Variants in RBMS1 observed in about 807,000 individuals in gnomAD.
RBMS1 encodes the protein RNA binding motif single stranded interacting protein 1.
RBMS1 carries 17 observed loss-of-function variants against 62.3 expected under a neutral mutation model. The observed-to-expected ratio is 0.27, with a 90% CI of 0.19 to 0.41. The LOEUF (loss-of-function observed/expected upper bound fraction) is 0.41. Ranked by LOEUF, RBMS1 falls within the 10% of genes least tolerant of loss-of-function variation. The probability of loss-of-function intolerance (pLI) is 1.00; values close to 1 mark genes in which losing one functional copy is unlikely to be tolerated. For missense variants in RBMS1, 334 were observed against 504.5 expected, an observed-to-expected ratio of 0.66 and a Z score of 3.24; for synonymous variants, 172 against 170.0, an observed-to-expected ratio of 1.01 and a Z score of -0.09.
chr2:160,324,880 G>GTA (rs747823378), intron 2 of RBMS1, among the ~76,000 whole-genome samples: 1,419 of 75,476 alleles, frequency 0.019, 14 homozygotes, highest in South Asian at 0.024. Context: ...GTGTGTGTGT[G>GTA]TGTATATATA....
intron 1 of RBMS1, 71 bp downstream of exon 1, chr2:160,493,218 C>T: frequency 6.8e-7 from 1 of 1,470,206 alleles, no homozygotes; most frequent in South Asian, 1.2e-5. Flanking sequence ...CGCCCCCCTC[C>T]CCAGGCCTGA....
chr2:160,443,571 C>A (rs1051620468), intron 1 of RBMS1, among the ~76,000 whole-genome samples: 6 of 151,958 alleles, frequency 3.9e-5, no homozygotes, highest in African/African-American at 1.2e-4. Flanking sequence ...CACCCCCACT[C>A]TCTCTCTGGT....
At chr2:160,487,350 T>G (rs976482169) in intron 1 of RBMS1, among the ~76,000 whole-genome samples, 6 of 152,264 alleles carry the variant, frequency 3.9e-5, no homozygotes, top group African/African-American at 1.4e-4. Context: ...TGTGCTGCTT[T>G]CGTGGGTGCA....
At chr2:160,324,903 T>TACAC (rs1293841336) in intron 2 of RBMS1, among the ~76,000 whole-genome samples, 55 of 118,980 alleles carry the variant, frequency 4.6e-4, no homozygotes, top group African/African-American at 1.8e-3. Flanking sequence ...TATATATATA[T>TACAC]ATATACACAC....
intron 2 of RBMS1, among the ~76,000 whole-genome samples, chr2:160,328,401 A>G (rs1691069617): frequency 6.9e-6 from 1 of 145,642 alleles, no homozygotes; most frequent in East Asian, 1.9e-4. Flanking sequence ...GTAACTTTTC[A>G]GCACAGTTTT....
intron 1 of RBMS1, among the ~76,000 whole-genome samples, chr2:160,479,930 C>T (rs1685298594): frequency 6.6e-6 from 1 of 152,032 alleles, no homozygotes; most frequent in Non-Finnish European, 1.5e-5. Context: ...TTTTGGCTAG[C>T]TGAATATGGC....
intron 1 of RBMS1, among the ~76,000 whole-genome samples, chr2:160,469,989 T>C (rs932568567): frequency 6.6e-6 from 1 of 152,224 alleles, no homozygotes; most frequent in Non-Finnish European, 1.5e-5. Context: ...TAGGATTTCA[T>C]TGAGTATGGT....
chr2:160,463,123 A>T (rs1334161977), intron 1 of RBMS1, among the ~76,000 whole-genome samples: 4 of 152,196 alleles, frequency 2.6e-5, no homozygotes, highest in African/African-American at 9.6e-5. Context: ...AAAATTAGCC[A>T]GATGCTTTTT....
intron 1 of RBMS1, among the ~76,000 whole-genome samples, chr2:160,491,912 A>T (rs1403475297): frequency 6.6e-6 from 1 of 152,202 alleles, no homozygotes; most frequent in African/African-American, 2.4e-5. Flanking sequence ...CTGGTGACCC[A>T]AAGTAAAGTG....
intron 1 of RBMS1, among the ~76,000 whole-genome samples, chr2:160,414,178 A>T (rs1226571002): frequency 6.6e-6 from 1 of 152,230 alleles, no homozygotes; most frequent in Non-Finnish European, 1.5e-5. Flanking sequence ...ATAAATGCAA[A>T]CTTTCCAATA....
In RBMS1 at chr2:160,331,317, G is replaced by C. The variant is rs191094785; in HGVS notation, c.252-13090C>G. On this transcript the variant is annotated intron_variant, in intron 2 of 13. Coordinates refer to ENST00000348849, the MANE Select transcript of RBMS1 (RefSeq NM_016836.4). ...TGCCCTTTAAGATTTTCCTTCACCA[G>C]GGAAATTTAGCATCTTTCTGCAAGA... Among the ~76,000 whole-genome samples, 312 of 152,234 alleles carry C rather than the reference G, an allele frequency of 2.0e-3. 2 individuals carry two copies. The highest frequency in any genetic ancestry group is 3.0e-3 in the Admixed American group (46 of 15,286).
intron 1 of RBMS1, among the ~76,000 whole-genome samples, chr2:160,437,247 G>C (rs2105295019): frequency 6.6e-6 from 1 of 152,264 alleles, no homozygotes; most frequent in African/African-American, 2.4e-5. Flanking sequence ...CTTCATTTTT[G>C]GTCTAGTTTG....
chr2:160,452,876 A>T (rs1264342972), intron 1 of RBMS1, among the ~76,000 whole-genome samples: 1 of 152,240 alleles, frequency 6.6e-6, no homozygotes, highest in Non-Finnish European at 1.5e-5. Context: ...ATGAGATCAC[A>T]TTACAGGGAC....
chr2:160,407,969 C>T (rs1348729823), intron 1 of RBMS1: 6 of 958,074 alleles, frequency 6.3e-6, no homozygotes, highest in Non-Finnish European at 7.4e-6. Flanking sequence ...CAGGCCCACC[C>T]GCGCCTCCCC....
At chr2:160,377,263 T>C (rs112278964) in intron 1 of RBMS1, among the ~76,000 whole-genome samples, 136 of 152,348 alleles carry the variant, frequency 8.9e-4, no homozygotes, top group African/African-American at 3.1e-3. Context: ...TTTCCTAGTA[T>C]ATTTCGTTAA....
chr2:160,349,023 T>G (rs894231008), intron 2 of RBMS1, among the ~76,000 whole-genome samples: 21 of 152,266 alleles, frequency 1.4e-4, no homozygotes, highest in Admixed American at 9.2e-4. Context: ...TTATTTCTCC[T>G]TTTTTGGATC....
intron 1 of RBMS1, among the ~76,000 whole-genome samples, chr2:160,412,193 A>G (rs1357696660): frequency 6.6e-6 from 1 of 152,248 alleles, no homozygotes; most frequent in Admixed American, 6.5e-5. Context: ...AAAATAGGAG[A>G]TGACACACAT....
At chr2:160,304,888 G>A (rs1464163953) in intron 4 of RBMS1, among the ~76,000 whole-genome samples, 1 of 152,134 alleles carries the variant, frequency 6.6e-6, no homozygotes, top group Admixed American at 6.5e-5. Flanking sequence ...ATGGAGTCTT[G>A]CTCTGTGCCA....
chr2:160,450,564 G>GAAAAAAAAAAAAAAAAAAAAAAAAAAAAA (rs1181640365), intron 1 of RBMS1, among the ~76,000 whole-genome samples: 2 of 56,580 alleles, frequency 3.5e-5, no homozygotes, highest in Non-Finnish European at 6.3e-5. Flanking sequence ...AATAAAAAAT[G>GAAAAAAAAAAAAAAAAAAAAAAAAAAAAA]AAAAAAAAAA....
Sources: gnomAD v4.1 joint callset for allele counts (sites outside exome capture counted in the v4.1 genomes callset) on GRCh38, gnomAD v4.1.1 for gene constraint, MANE v1.5 for transcripts, NCBI Gene and HGNC (gene_info 2026-07-23, HGNC 2026-07-21) for gene names.